The following WDR49 variants were observed in gnomAD, a reference collection of about 807,000 sequenced individuals.
The protein encoded by WDR49 is cilia- and flagella-associated protein 337.
In WDR49, 107 loss-of-function variants were observed where a neutral mutation model predicts 119.5. The observed-to-expected ratio is 0.90, with a 90% CI of 0.77 to 1.05. The LOEUF is 1.05. WDR49 is among the 50% of genes least tolerant of loss of function. The probability of loss-of-function intolerance (pLI) is 0.00; values close to 1 mark genes in which losing one functional copy is unlikely to be tolerated. For synonymous variants in WDR49, 425 were observed against 418.8 expected, an observed-to-expected ratio of 1.01 and a Z score of -0.18; for missense variants, 1,240 against 1,220.5, an observed-to-expected ratio of 1.02 and a Z score of -0.24.
chr3:167,580,011 A>C (rs1714453148), intron 7 of WDR49, among the ~76,000 whole-genome samples: 1 of 152,170 alleles, frequency 6.6e-6, no homozygotes, highest in South Asian at 2.1e-4. Flanking sequence ...CATTGTGTTA[A>C]GTAATTTATA....
intron 8 of WDR49, among the ~76,000 whole-genome samples, chr3:167,565,012 G>A (rs1304727270): frequency 6.6e-6 from 1 of 151,638 alleles, no homozygotes; most frequent in East Asian, 1.9e-4. Context: ...TGTTAGTGTT[G>A]TTTATGGTCC....
intron 7 of WDR49, among the ~76,000 whole-genome samples, chr3:167,581,979 G>C (rs1714550190): frequency 6.6e-6 from 1 of 151,990 alleles, no homozygotes; most frequent in South Asian, 2.1e-4. Flanking sequence ...TATCCTGTTA[G>C]AGATAGATAT....
At chr3:167,531,085 C>T (rs114898634) in intron 13 of WDR49, 30 bp downstream of exon 13, 49,382 of 1,592,398 alleles carry the variant, frequency 0.031, 985 homozygotes, top group South Asian at 0.041. Context: ...CCCTTTCCAA[C>T]TATATGTAAA....
chr3:167,652,873 C>A (rs562689108), intron 2 of WDR49, among the ~76,000 whole-genome samples: 1 of 152,166 alleles, frequency 6.6e-6, no homozygotes, highest in South Asian at 2.1e-4. Flanking sequence ...TTGCTGAGTT[C>A]TATGTCCGTA....
At chr3:167,628,423 C>A (rs1023544607) in intron 2 of WDR49, among the ~76,000 whole-genome samples, 6 of 152,048 alleles carry the variant, frequency 3.9e-5, no homozygotes, top group Non-Finnish European at 7.4e-5. Flanking sequence ...CCTTTGAACA[C>A]GTTAATGATA....
intron 5 of WDR49, among the ~76,000 whole-genome samples, chr3:167,610,782 G>C (rs1330971494): frequency 6.6e-6 from 1 of 152,222 alleles, no homozygotes; most frequent in Non-Finnish European, 1.5e-5. Context: ...AGTCATAGTA[G>C]TAGTGGCCAC....
At chr3:167,566,974 A>T in intron 8 of WDR49, 1 of 580,630 alleles carries the variant, frequency 1.7e-6, no homozygotes, top group Non-Finnish European at 3.1e-6. Flanking sequence ...GTGGAAAGGG[A>T]GGCAGGAGGT....
At chr3:167,601,872 G>C (rs937735727) in intron 7 of WDR49, among the ~76,000 whole-genome samples, 1 of 152,050 alleles carries the variant, frequency 6.6e-6, no homozygotes, top group Non-Finnish European at 1.5e-5. Flanking sequence ...CATATTGAGA[G>C]CCCAATAAAG....
intron 15 of WDR49, among the ~76,000 whole-genome samples, chr3:167,524,621 T>C (rs949136750): frequency 1.3e-5 from 2 of 152,206 alleles, no homozygotes; most frequent in Non-Finnish European, 2.9e-5. Flanking sequence ...GTATTCTGCT[T>C]ATGGCTAGCC....
In WDR49 at chr3:167,500,178, A is replaced by T. The variant is rs1751505425; in HGVS notation, c.3006T>A (p.Ile1002=). ...TTTTAAAAAGTGACGGGGCCTCCAG[A>T]ATTTGGGGACGCTCTTCCTCTGGTT... ...RKEPEEERPQ[I]LEAPSLFKTL... The change falls in exon 18 of 19, where the codon ATT becomes ATA. Residue 1002 remains isoleucine (I), a synonymous_variant. Coordinates refer to ENST00000682715, the MANE Select transcript of WDR49 (RefSeq NM_001366157.1). 6.3e-7 allele frequency: 1 copy of T among 1,575,172 alleles called. No individual in the cohort carries two copies. The highest frequency in any genetic ancestry group is 1.2e-5 in the South Asian group (1 of 84,044).
At chr3:167,597,629 C>T (rs1386575305) in intron 7 of WDR49, among the ~76,000 whole-genome samples, 1 of 152,170 alleles carries the variant, frequency 6.6e-6, no homozygotes, top group Non-Finnish European at 1.5e-5. Flanking sequence ...TGGTACCCTG[C>T]AGAGCCACAG....
intron 10 of WDR49, among the ~76,000 whole-genome samples, chr3:167,553,926 G>C (rs1173740369): frequency 6.6e-6 from 1 of 152,018 alleles, no homozygotes; most frequent in Non-Finnish European, 1.5e-5. Flanking sequence ...GGTTTTCTAG[G>C]TATAAAATCT....
chr3:167,602,116 A>G lies in WDR49; in HGVS notation c.1275+11T>C. ...CAAAACTAAATTAATTAAAAGCACAATGTTACTTACTTTATCCTTGGAGAA... is the reference window on the plus strand; with the variant it reads ...CAAAACTAAATTAATTAAAAGCACAGTGTTACTTACTTTATCCTTGGAGAA... On this transcript the variant is annotated intron_variant, in intron 7 of 18. Transcript: ENST00000682715. 6.4e-7 allele frequency: 1 copy of G among 1,572,708 alleles called. No homozygotes were observed. The highest frequency in any genetic ancestry group is 8.7e-7 in the Non-Finnish European group (1 of 1,150,104).
intron 10 of WDR49, among the ~76,000 whole-genome samples, chr3:167,550,778 TGA>T (rs757566403): frequency 0.016 from 2,357 of 143,834 alleles, 38 homozygotes; most frequent in African/African-American, 0.046. Context: ...TTTTTTTTTT[TGA>T]GAGAGAGAGA....
rs575425498 is a variant in WDR49, at chr3:167,621,358, A to C, written c.783+109T>G. ...TCCATGTCCAATGTGCATGTAATCC[A>C]TAATGTAATTAAATTTGGAGGTCAC... is the stretch of plus-strand genomic sequence containing the variant. On this transcript the variant is annotated intron_variant, in intron 4 of 18. Transcript: ENST00000682715. The C allele has an allele frequency of 2.4e-5, 27 of 1,140,396 alleles. 1 individual carries two copies. The South Asian group carries it at 3.2e-4, about 13-fold the overall frequency. 70.6% of individuals were successfully genotyped at this position (1,140,396 alleles called of 1,614,324 possible). A position where few individuals can be genotyped will look rare whatever the true frequency, so the allele number is the denominator to read the frequency against.
chr3:167,630,025 G>A (rs1417612445), intron 2 of WDR49, among the ~76,000 whole-genome samples: 1 of 152,142 alleles, frequency 6.6e-6, no homozygotes, highest in Non-Finnish European at 1.5e-5. Context: ...AGTTGATAAA[G>A]CAGTGGCAAG....
intron 16 of WDR49, among the ~76,000 whole-genome samples, chr3:167,513,376 G>A (rs886805677): frequency 1.3e-5 from 2 of 152,048 alleles, no homozygotes; most frequent in Admixed American, 1.3e-4. Flanking sequence ...AATAAGCAAA[G>A]GAGAAACAAG....
chr3:167,531,055 A>T, intron 13 of WDR49, 60 bp downstream of exon 13: 3 of 1,540,618 alleles, frequency 1.9e-6, no homozygotes, highest in Non-Finnish European at 2.6e-6. Context: ...GTAGAAATAG[A>T]TTGGATTTTC....
intron 7 of WDR49, among the ~76,000 whole-genome samples, chr3:167,584,976 G>A (rs1714731008): frequency 6.6e-6 from 1 of 151,382 alleles, no homozygotes; most frequent in African/African-American, 2.4e-5. Context: ...TCTTTTCTTT[G>A]TTATATGCAT....
Sources: allele counts gnomAD v4.1 joint callset (sites outside exome capture counted in the v4.1 genomes callset), GRCh38; gene constraint gnomAD v4.1.1; transcripts MANE v1.5; gene names NCBI Gene and HGNC (gene_info 2026-07-23, HGNC 2026-07-21).